CEP112: variants seen among roughly 807,000 people sequenced by gnomAD.
CEP112 encodes centrosomal protein 112, also known as centrosomal protein of 112 kDa.
CEP112 carries 127 observed loss-of-function variants against 153.0 expected under a neutral mutation model. That is an observed-to-expected ratio of 0.83 (90% confidence interval 0.72 to 0.96). The LOEUF (loss-of-function observed/expected upper bound fraction) is 0.96, where lower values mean the gene tolerates loss of function less well. Among genes scored for constraint, CEP112 ranks in the 40% least tolerant of loss-of-function variants. The probability of loss-of-function intolerance (pLI) is 0.00; values close to 1 mark genes in which losing one functional copy is unlikely to be tolerated. For missense variants in CEP112, 1,089 were observed against 1,101.2 expected, an observed-to-expected ratio of 0.99 and a Z score of 0.16; for synonymous variants, 358 against 374.4, an observed-to-expected ratio of 0.96 and a Z score of 0.51.
At chr17:65,904,596 A>C (rs1264833037) in intron 19 of CEP112, among the ~76,000 whole-genome samples, 4 of 152,214 alleles carry the variant, frequency 2.6e-5, no homozygotes, top group Admixed American at 1.3e-4. Flanking sequence ...GAATTAGAAA[A>C]AACTACTTTA....
At chr17:65,677,601 C>T (rs944256170) in intron 24 of CEP112, among the ~76,000 whole-genome samples, 4 of 152,146 alleles carry the variant, frequency 2.6e-5, no homozygotes, top group African/African-American at 9.7e-5. Flanking sequence ...AACTGACGTA[C>T]ATCTGGTACC....
At chr17:65,954,187 G>A (rs949380853) in intron 18 of CEP112, among the ~76,000 whole-genome samples, 1 of 152,178 alleles carries the variant, frequency 6.6e-6, no homozygotes, top group African/African-American at 2.4e-5. Flanking sequence ...ACTCTTTGCA[G>A]ACACTCCCCA....
chr17:65,901,643 A>T (rs2059854298), intron 20 of CEP112, among the ~76,000 whole-genome samples: 1 of 152,134 alleles, frequency 6.6e-6, no homozygotes, highest in African/African-American at 2.4e-5. Context: ...CCTGATGGGA[A>T]ATAGCCCTTC....
rs114714005 is a variant in CEP112, at chr17:65,714,145, A to C, written c.2608-24927T>G. ...ATTCCCAAGAGAATGTATCCCTTTGAGCTCCAAGCATCATCTCTCTCCTGT... is the reference window on the plus strand; with the variant it reads ...ATTCCCAAGAGAATGTATCCCTTTGCGCTCCAAGCATCATCTCTCTCCTGT... On this transcript the variant is annotated intron_variant, in intron 23 of 26. Transcript: ENST00000535342. 5.4e-3 allele frequency among the ~76,000 whole-genome samples: 827 copies of C among 152,186 alleles called. 13 individuals carry two copies. The highest frequency in any genetic ancestry group is 0.019 in the African/African-American group (782 of 41,524).
At chr17:66,116,729 T>G (rs1225304874) in intron 6 of CEP112, among the ~76,000 whole-genome samples, 1 of 152,194 alleles carries the variant, frequency 6.6e-6, no homozygotes, top group African/African-American at 2.4e-5. Context: ...CCCATGACTA[T>G]GTGAAAAGTC....
chr17:65,719,737 G>A (rs190067848), intron 23 of CEP112, among the ~76,000 whole-genome samples: 1 of 152,198 alleles, frequency 6.6e-6, no homozygotes, highest in Non-Finnish European at 1.5e-5. Context: ...CTGAAGATGA[G>A]AGAAAGCTCA....
At chr17:66,054,647 T>C (rs971280679) in intron 11 of CEP112, among the ~76,000 whole-genome samples, 6 of 152,216 alleles carry the variant, frequency 3.9e-5, no homozygotes, top group African/African-American at 9.6e-5. Flanking sequence ...CTTATCTTAA[T>C]GGGGGTACAA....
intron 19 of CEP112, among the ~76,000 whole-genome samples, chr17:65,916,647 A>T (rs1236535653): frequency 6.6e-6 from 1 of 151,894 alleles, no homozygotes; most frequent in Non-Finnish European, 1.5e-5. Flanking sequence ...CCCAGGCTCA[A>T]ACAACCCTCG....
At chr17:65,858,237 T>C (rs927791267) in intron 20 of CEP112, among the ~76,000 whole-genome samples, 1 of 152,210 alleles carries the variant, frequency 6.6e-6, no homozygotes, top group Non-Finnish European at 1.5e-5. Context: ...AGAGTATTTT[T>C]CTCTTTCTCG....
rs1555728024 is a variant in CEP112, at chr17:65,951,749, C to CCACCCCG, written c.1872+9713_1872+9714insCGGGGTG. On this transcript the variant is annotated intron_variant, in intron 18 of 26. Transcript: ENST00000535342. ...TCTGCTCTAATCTTCCCCCGCCCCC[C>CCACCCCG]CCTTTCTTCCACTTGCTTAGAAGCT... Among the ~76,000 whole-genome samples the CCACCCCG allele has an allele frequency of 4.7e-5, 5 of 106,240 alleles. 1 individual carries two copies. The South Asian group carries it at 1.1e-3, about 23-fold the overall frequency. 69.7% of individuals were successfully genotyped at this position (106,240 alleles called of 152,430 possible).
At chr17:65,921,989 A>G (rs1340537324) in intron 19 of CEP112, among the ~76,000 whole-genome samples, 1 of 152,188 alleles carries the variant, frequency 6.6e-6, no homozygotes, top group African/African-American at 2.4e-5. Context: ...AAAAATAACT[A>G]GGATTTTTGA....
chr17:65,649,073 A>AACACACACACACACAC (rs71158400), intron 24 of CEP112, among the ~76,000 whole-genome samples: 226 of 139,910 alleles, frequency 1.6e-3, no homozygotes, highest in Non-Finnish European at 3.1e-3. Context: ...CAAACAAACA[A>AACACACACACACACAC]ACACACACAC....
intron 16 of CEP112, among the ~76,000 whole-genome samples, chr17:66,022,714 A>G (rs1422691778): frequency 6.6e-6 from 1 of 151,252 alleles, no homozygotes; most frequent in Non-Finnish European, 1.5e-5. Flanking sequence ...GCCTCAAGAA[A>G]AAAAAAAAAA....
At position 65,935,693 on chromosome 17, in the gene CEP112, T is replaced by A. The variant is rs7221508; in HGVS notation, c.1873-8004A>T. Among the ~76,000 whole-genome samples the A allele has an allele frequency of 1.4e-3, 203 of 148,932 alleles. 2 individuals are homozygous for A. Among genetic ancestry groups the A allele is most frequent in the African/African-American group, 4.5e-3 (183 of 40,580 alleles). On this transcript the variant is annotated intron_variant, in intron 18 of 26. Coordinates refer to ENST00000535342, the MANE Select transcript of CEP112 (RefSeq NM_001199165.4). ...AAGTCAAAAAAATCAAAAGAAAAAT[T>A]AAAAAAAAACTTGAGACAAACAAAA... is the stretch of plus-strand genomic sequence containing the variant.
At chr17:65,804,795 C>T (rs920823781) in intron 21 of CEP112, among the ~76,000 whole-genome samples, 7 of 151,700 alleles carry the variant, frequency 4.6e-5, no homozygotes, top group Non-Finnish European at 1.0e-4. Context: ...ATGATATTAA[C>T]AATATTAAAT....
At chr17:65,692,224 AT>A (rs35586515) in intron 23 of CEP112, among the ~76,000 whole-genome samples, 14,804 of 126,832 alleles carry the variant, frequency 0.12, 603 homozygotes, top group African/African-American at 0.17. Context: ...CTGCACTGGA[AT>A]TTTTTTTTTT....
At chr17:65,734,117 C>A (rs1299937319) in intron 23 of CEP112, among the ~76,000 whole-genome samples, 1 of 152,220 alleles carries the variant, frequency 6.6e-6, no homozygotes, top group Non-Finnish European at 1.5e-5. Flanking sequence ...CAGATTCGGA[C>A]TGGGTGAGGG....
intron 4 of CEP112, among the ~76,000 whole-genome samples, chr17:66,150,228 C>T (rs1420287585): frequency 5.0e-5 from 7 of 139,876 alleles, no homozygotes; most frequent in Non-Finnish European, 9.2e-5. Flanking sequence ...GATGGAGTCT[C>T]ACTGTGTCAC....
chr17:65,972,661 A>ATTGT (rs2062885276), intron 17 of CEP112, among the ~76,000 whole-genome samples: 1 of 152,250 alleles, frequency 6.6e-6, no homozygotes, highest in South Asian at 2.1e-4. Flanking sequence ...AAGAAACAAT[A>ATTGT]CAAATTATCA....
Sources: allele counts gnomAD v4.1 joint callset (sites outside exome capture counted in the v4.1 genomes callset), GRCh38; gene constraint gnomAD v4.1.1; transcripts MANE v1.5; gene names NCBI Gene and HGNC (gene_info 2026-07-23, HGNC 2026-07-21).